The following RPTOR variants were observed in gnomAD, a reference collection of about 807,000 sequenced individuals.
RPTOR encodes regulatory-associated protein of mTOR.
RPTOR carries 21 observed loss-of-function variants against 169.9 expected under a neutral mutation model. The ratio of observed to expected loss-of-function variants is 0.12; its 90% confidence interval spans 0.09 to 0.18. RPTOR has a LOEUF of 0.18. Ranked by LOEUF, RPTOR falls within the 10% of genes least tolerant of loss-of-function variation. The pLI is 1.00. For synonymous variants in RPTOR, 732 were observed against 753.2 expected (o/e 0.97, Z 0.46); for missense variants, 1,133 against 1,855.9 (o/e 0.61, Z 7.16).
chr17:80,591,410 G>A (rs1427392420), intron 1 of RPTOR, among the ~76,000 whole-genome samples: 1 of 141,174 alleles, frequency 7.1e-6, no homozygotes, highest in Non-Finnish European at 1.5e-5. Context: ...ATGGAGTGTT[G>A]CTCTGTCACC....
intron 7 of RPTOR, among the ~76,000 whole-genome samples, chr17:80,813,129 C>G (rs902675973): frequency 4.0e-4 from 61 of 152,148 alleles, no homozygotes; most frequent in Non-Finnish European, 3.7e-4. Context: ...GGGTTTTATG[C>G]ACGCTAAAAT....
Position 80,849,320 on chromosome 17 carries a change from G to A in RPTOR, c.1314+2746G>A, listed in dbSNP as rs1254773657. 3.9e-5 allele frequency among the ~76,000 whole-genome samples: 6 copies of A among 152,284 alleles called. No individual in the cohort carries two copies. In the South Asian group the frequency reaches 8.3e-4, roughly 21 times the overall value. On this transcript the variant is annotated intron_variant, in intron 11 of 33. Transcript: ENST00000306801. ...ATCCCTAAGCCAGAGGCAGTGGCTG[G>A]TGGCCCTCCAGGGTCACGCACGGTG...
At chr17:80,743,649 C>T (rs1172755010) in intron 5 of RPTOR, among the ~76,000 whole-genome samples, 1 of 148,700 alleles carries the variant, frequency 6.7e-6, no homozygotes, top group African/African-American at 2.6e-5. Flanking sequence ...TGCTACTTTG[C>T]CCTCGGCAGC....
intron 13 of RPTOR, among the ~76,000 whole-genome samples, chr17:80,868,104 TATAAAC>T (rs1263100719): frequency 6.6e-6 from 1 of 152,250 alleles, no homozygotes; most frequent in African/African-American, 2.4e-5. Context: ...GACCCATACA[TATAAAC>T]ACCTGCCCTA....
At chr17:80,575,880 T>C (rs1821317523) in intron 1 of RPTOR, among the ~76,000 whole-genome samples, 1 of 152,216 alleles carries the variant, frequency 6.6e-6, no homozygotes, top group Non-Finnish European at 1.5e-5. Context: ...CTCTGCCCAT[T>C]TGTGCTTCAT....
chr17:80,950,256 C>A (rs1001439988), intron 28 of RPTOR, among the ~76,000 whole-genome samples: 1 of 152,236 alleles, frequency 6.6e-6, no homozygotes, highest in Non-Finnish European at 1.5e-5. Context: ...GAACGCGTTA[C>A]CCCGCCAGCC....
rs192674350 is a variant in RPTOR, at chr17:80,863,791, G to A, written c.1509+5891G>A. ...AAAACTCAGCCATGCATGTTGGCGC[G>A]TGCCTGTAGTCCCAGCCATTCAGAA... On this transcript the variant is annotated intron_variant, in intron 13 of 33. Coordinates refer to ENST00000306801, the MANE Select transcript of RPTOR (RefSeq NM_020761.3). Among the ~76,000 whole-genome samples the A allele has an allele frequency of 2.7e-3, 410 of 152,284 alleles. 2 individuals carry two copies. Among genetic ancestry groups the A allele is most frequent in the Non-Finnish European group, 2.7e-3 (182 of 68,034 alleles).
chr17:80,681,641 C>G (rs571830329), intron 3 of RPTOR, among the ~76,000 whole-genome samples: 1 of 127,806 alleles, frequency 7.8e-6, no homozygotes, highest in Admixed American at 7.4e-5. Context: ...ATGAGGTGTA[C>G]GTCTCTTACA....
intron 7 of RPTOR, among the ~76,000 whole-genome samples, chr17:80,807,470 A>G (rs185264492): frequency 3.4e-4 from 51 of 152,064 alleles, no homozygotes; most frequent in Non-Finnish European, 6.9e-4. Flanking sequence ...CCTGCGTCAG[A>G]CTTCCAAGTA....
At chr17:80,634,309 TGTGC>T (rs2065471522) in intron 2 of RPTOR, among the ~76,000 whole-genome samples, 14 of 59,672 alleles carry the variant, frequency 2.3e-4, no homozygotes, top group Non-Finnish European at 4.4e-4. Context: ...GTGTGCGTAC[TGTGC>T]GTGTGCGTAC....
chr17:80,927,218 T>G (rs1293159487), intron 24 of RPTOR, among the ~76,000 whole-genome samples: 3 of 152,240 alleles, frequency 2.0e-5, no homozygotes, highest in Non-Finnish European at 4.4e-5. Flanking sequence ...CCCAGTCTGT[T>G]GAAAAGTCAA....
chr17:80,569,655 G>A (rs561273086), intron 1 of RPTOR, among the ~76,000 whole-genome samples: 2 of 152,298 alleles, frequency 1.3e-5, no homozygotes, highest in South Asian at 2.1e-4. Flanking sequence ...TTTGTGGATG[G>A]TCTATGTTGA....
intron 13 of RPTOR, among the ~76,000 whole-genome samples, chr17:80,866,893 T>C (rs575396321): frequency 1.3e-5 from 2 of 152,340 alleles, no homozygotes; most frequent in South Asian, 4.1e-4. Context: ...AAGTGGAATT[T>C]GTAGTGAAAA....
intron 25 of RPTOR, among the ~76,000 whole-genome samples, chr17:80,940,825 G>A (rs1354778511): frequency 2.0e-5 from 3 of 152,240 alleles, no homozygotes; most frequent in African/African-American, 4.8e-5. Flanking sequence ...AGAGTGGGGA[G>A]GGGAGGGGCC....
At chr17:80,699,378 A>G (rs1379843720) in intron 3 of RPTOR, among the ~76,000 whole-genome samples, 1 of 150,328 alleles carries the variant, frequency 6.7e-6, no homozygotes, top group Non-Finnish European at 1.5e-5. Flanking sequence ...GGTGCTATGC[A>G]CAGTACCCTG....
intron 24 of RPTOR, among the ~76,000 whole-genome samples, chr17:80,933,335 A>G (rs557885020): frequency 6.6e-6 from 1 of 152,326 alleles, no homozygotes; most frequent in South Asian, 2.1e-4. Context: ...AATCCCCTAC[A>G]CTAGTAATGA....
chr17:80,949,408 GC>G, intron 27 of RPTOR, 34 bp from the exon 28 acceptor site: 1 of 1,556,962 alleles, frequency 6.4e-7, no homozygotes, highest in Non-Finnish European at 8.9e-7. Flanking sequence ...CCATCGAGGG[GC>G]CTGGTTCACA....
intron 11 of RPTOR, among the ~76,000 whole-genome samples, chr17:80,851,389 T>C (rs1032579380): frequency 6.6e-6 from 1 of 152,048 alleles, no homozygotes; most frequent in African/African-American, 2.4e-5. Flanking sequence ...CAACATTGGC[T>C]TTTTTTCTAA....
At chr17:80,551,013 G>A (rs1036529259) in intron 1 of RPTOR, among the ~76,000 whole-genome samples, 1 of 152,040 alleles carries the variant, frequency 6.6e-6, no homozygotes, top group Non-Finnish European at 1.5e-5. Context: ...TCAGTCTCCC[G>A]AGTAGCTGGG....
Sources: allele counts gnomAD v4.1 joint callset (sites outside exome capture counted in the v4.1 genomes callset), GRCh38; gene constraint gnomAD v4.1.1; transcripts MANE v1.5; gene names NCBI Gene and HGNC (gene_info 2026-07-23, HGNC 2026-07-21).